The following MECOM variants were observed in gnomAD, a reference collection of about 807,000 sequenced individuals.
MECOM encodes the protein histone-lysine N-methyltransferase MECOM.
Under a neutral mutation model 116.3 loss-of-function variants are expected in MECOM, and 13 were observed. The ratio of observed to expected loss-of-function variants is 0.11; its 90% CI spans 0.07 to 0.18. The LOEUF (loss-of-function observed/expected upper bound fraction) is 0.18. Among genes scored for constraint, MECOM ranks in the 10% least tolerant of loss-of-function variants. The pLI is 1.00. For synonymous variants in MECOM, 528 were observed against 535.2 expected (o/e 0.99, Z 0.19); for missense variants, 1,299 against 1,509.0 (o/e 0.86, Z 2.31).
At chr3:169,605,915 C>G (rs1356319387) in intron 1 of MECOM, among the ~76,000 whole-genome samples, 1 of 152,026 alleles carries the variant, frequency 6.6e-6, no homozygotes, top group Non-Finnish European at 1.5e-5. Context: ...ACCTCTGAAT[C>G]TTGAGTGAAA....
intron 2 of MECOM, among the ~76,000 whole-genome samples, chr3:169,214,750 T>C (rs1414164708): frequency 2.0e-5 from 3 of 150,434 alleles, no homozygotes; most frequent in Non-Finnish European, 4.4e-5. Context: ...CAAAATTTTC[T>C]ACCATTAACA....
intron 2 of MECOM, among the ~76,000 whole-genome samples, chr3:169,189,408 GA>G (rs1012409927): frequency 8.6e-5 from 13 of 151,862 alleles, no homozygotes; most frequent in African/African-American, 2.2e-4. Flanking sequence ...AACTCCAGGG[GA>G]AAAAAATCCT....
At chr3:169,171,049 T>C (rs1000045023) in intron 2 of MECOM, among the ~76,000 whole-genome samples, 1 of 152,250 alleles carries the variant, frequency 6.6e-6, no homozygotes, top group African/African-American at 2.4e-5. Context: ...TTCTTTTTTA[T>C]GTCACTGTAT....
At chr3:169,168,942 T>C (rs1245578049) in intron 2 of MECOM, among the ~76,000 whole-genome samples, 3 of 151,946 alleles carry the variant, frequency 2.0e-5, no homozygotes, top group East Asian at 3.9e-4. Context: ...AAAAATAGAA[T>C]AGATTGTTAT....
chr3:169,362,088 T>C (rs1052274680), intron 2 of MECOM, among the ~76,000 whole-genome samples: 4 of 151,954 alleles, frequency 2.6e-5, no homozygotes, highest in African/African-American at 7.2e-5. Flanking sequence ...ATCTATTTTC[T>C]ATGTAATTTA....
intron 2 of MECOM, among the ~76,000 whole-genome samples, chr3:169,210,847 C>T (rs1750632041): frequency 1.3e-5 from 2 of 151,984 alleles, no homozygotes; most frequent in Admixed American, 6.6e-5. Context: ...GATTAGTTTC[C>T]CTGTCCTAGA....
chr3:169,496,045 C>A (rs1753761542), intron 1 of MECOM, among the ~76,000 whole-genome samples: 3 of 152,174 alleles, frequency 2.0e-5, no homozygotes, highest in Admixed American at 6.5e-5. Context: ...TGAGGACATG[C>A]AAAGCTTTTC....
chr3:169,592,928 TA>T (rs569847344), intron 1 of MECOM, among the ~76,000 whole-genome samples: 6 of 152,348 alleles, frequency 3.9e-5, no homozygotes, highest in African/African-American at 9.6e-5. Flanking sequence ...TATATGTACA[TA>T]AAAAATACGG....
intron 2 of MECOM, among the ~76,000 whole-genome samples, chr3:169,254,005 A>C: frequency 6.6e-6 from 1 of 152,152 alleles, no homozygotes; most frequent in East Asian, 1.9e-4. Flanking sequence ...ATTTCTTGTC[A>C]AAACCACTTG....
At chr3:169,088,839 T>TCTTG (rs1718701302) in intron 16 of MECOM, among the ~76,000 whole-genome samples, 161 bp downstream of exon 16, 1 of 152,206 alleles carries the variant, frequency 6.6e-6, no homozygotes, top group South Asian at 2.1e-4. Context: ...TTGGATTTGG[T>TCTTG]CATAAATACA....
chr3:169,314,030 C>A (rs1451492130), intron 2 of MECOM, among the ~76,000 whole-genome samples: 3 of 152,166 alleles, frequency 2.0e-5, no homozygotes, highest in Non-Finnish European at 4.4e-5. Context: ...ATGTAAGGTT[C>A]CTTATGGACC....
At chr3:169,412,281 G>A in intron 1 of MECOM, among the ~76,000 whole-genome samples, 1 of 122,226 alleles carries the variant, frequency 8.2e-6, no homozygotes. Flanking sequence ...GTGAGACTCT[G>A]TCTCAAAAAA....
intron 1 of MECOM, among the ~76,000 whole-genome samples, chr3:169,587,361 G>A (rs1198557418): frequency 6.6e-6 from 1 of 151,394 alleles, no homozygotes; most frequent in Non-Finnish European, 1.5e-5. Flanking sequence ...TTTTGCCATT[G>A]GCACATATGG....
intron 2 of MECOM, among the ~76,000 whole-genome samples, chr3:169,245,253 G>A (rs762413193): frequency 1.1e-4 from 17 of 152,042 alleles, no homozygotes; most frequent in Non-Finnish European, 2.4e-4. Context: ...TGAAATATGC[G>A]AAAAACAACA....
chr3:169,593,241 G>A (rs1473626319), intron 1 of MECOM, among the ~76,000 whole-genome samples: 1 of 152,132 alleles, frequency 6.6e-6, no homozygotes, highest in Non-Finnish European at 1.5e-5. Context: ...CAGAAATGTT[G>A]TAGCCTCATC....
chr3:169,597,974 A>G (rs1049859744), intron 1 of MECOM, among the ~76,000 whole-genome samples: 3 of 152,218 alleles, frequency 2.0e-5, no homozygotes, highest in Admixed American at 1.3e-4. Context: ...AAGTAAACAC[A>G]TCAGATAATT....
chr3:169,349,979 C>T (rs922604779), intron 2 of MECOM, among the ~76,000 whole-genome samples: 5 of 151,838 alleles, frequency 3.3e-5, no homozygotes, highest in African/African-American at 4.8e-5. Context: ...ATTAATATAT[C>T]TACTTATAAT....
At chr3:169,312,817 A>G (rs1252233039) in intron 2 of MECOM, among the ~76,000 whole-genome samples, 1 of 152,168 alleles carries the variant, frequency 6.6e-6, no homozygotes, top group Non-Finnish European at 1.5e-5. Context: ...CCATGTGGGG[A>G]TGTCAGCTGG....
rs1259479048 is a variant in MECOM at position 169,116,152 on chromosome 3, T to G, written c.1720A>C (p.Ser574Arg). 3 of 1,614,202 alleles carry G rather than the reference T, an allele frequency of 1.9e-6. No homozygotes were observed. The highest frequency in any genetic ancestry group is 3.3e-5 in the Admixed American group (2 of 60,024). Residue 574 changes from serine to arginine, a missense_variant, in exon 8 of 17, where the codon AGT (serine) becomes CGT (arginine). Physicochemically the swap from Ser to Arg is moderately radical, Grantham distance 110. Transcript: ENST00000651503. ...SSEERPFEKI[S>R]DQSESSDLDD... The stretch of plus-strand genomic sequence containing the variant: ...AGGTCACTACTCTCTGACTGGTCAC[T>G]GATTTTCTCAAAGGGCCTCTCTTCA...
Sources: allele counts gnomAD v4.1 joint callset (sites outside exome capture counted in the v4.1 genomes callset), GRCh38; gene constraint gnomAD v4.1.1; transcripts MANE v1.5; gene names NCBI Gene and HGNC (gene_info 2026-07-23, HGNC 2026-07-21).